PTGFR: variants seen among roughly 807,000 people sequenced by gnomAD.
The protein encoded by PTGFR is prostaglandin F2-alpha receptor.
In PTGFR, 15 loss-of-function variants were observed where a neutral mutation model predicts 26.2. The ratio of observed to expected loss-of-function variants is 0.57; its 90% confidence interval spans 0.38 to 0.88. The LOEUF is 0.88. Ranked by LOEUF, PTGFR falls within the 40% of genes least tolerant of loss-of-function variation. The pLI, the probability that PTGFR is intolerant of heterozygous loss-of-function variation, is 0.00. For synonymous variants in PTGFR, 165 were observed against 151.1 expected (o/e 1.09, Z -0.68); for missense variants, 369 against 427.2 (o/e 0.86, Z 1.20).
At chr1:78,523,189 T>C (rs1210912852) in intron 2 of PTGFR, among the ~76,000 whole-genome samples, 1 of 152,052 alleles carries the variant, frequency 6.6e-6, no homozygotes, top group Non-Finnish European at 1.5e-5. Flanking sequence ...AACTTGTAGG[T>C]TGTTGTACAC....
chr1:78,505,798 T>A (rs1433292402), intron 2 of PTGFR, among the ~76,000 whole-genome samples: 1 of 152,220 alleles, frequency 6.6e-6, no homozygotes, highest in African/African-American at 2.4e-5. Context: ...TCACCTTTTG[T>A]GTCTGGCTTC....
At chr1:78,532,364 T>TTTTATA (rs533163867) in intron 2 of PTGFR, 3 of 85,222 alleles carry the variant, frequency 3.5e-5, no homozygotes, top group East Asian at 3.4e-4. Flanking sequence ...GTAAATTCAT[T>TTTTATA]TATATATATA....
At chr1:78,514,074 C>A (rs1436338630) in intron 2 of PTGFR, among the ~76,000 whole-genome samples, 1 of 152,198 alleles carries the variant, frequency 6.6e-6, no homozygotes. Context: ...TTGGGTATTG[C>A]AGAGGGAAAA....
chr1:78,492,542 G>C, intron 1 of PTGFR, 130 bp from the exon 2 acceptor site: 1 of 534,408 alleles, frequency 1.9e-6, no homozygotes, highest in African/African-American at 1.9e-5. Context: ...GCTGCTTTCA[G>C]TATGATGCAA....
At position 78,532,570 on chromosome 1, in the gene PTGFR, C is replaced by T. The variant is rs575460351; in HGVS notation, c.799-3836C>T. Among the ~76,000 whole-genome samples the T allele has an allele frequency of 2.0e-5, 3 of 147,966 alleles. No homozygotes were observed. In the Admixed American group the frequency reaches 2.0e-4, roughly 10 times the overall value. ...TGTATATATACATACACACATATAC[C>T]TTTTTGTTTTTTGAGACAGAGTCTC... On this transcript the variant is annotated intron_variant, in intron 2 of 2. Coordinates refer to ENST00000370757, the MANE Select transcript of PTGFR (RefSeq NM_000959.4).
chr1:78,519,848 A>G (rs1650181052), intron 2 of PTGFR, among the ~76,000 whole-genome samples: 1 of 152,158 alleles, frequency 6.6e-6, no homozygotes, highest in Admixed American at 6.6e-5. Context: ...TTAGTGGAGT[A>G]GGTTCTTACC....
At chr1:78,504,388 A>C (rs1173594983) in intron 2 of PTGFR, among the ~76,000 whole-genome samples, 2 of 152,126 alleles carry the variant, frequency 1.3e-5, no homozygotes, top group East Asian at 1.9e-4. Flanking sequence ...GTTGTTGGGC[A>C]TTATCCCTTT....
chr1:78,510,774 C>T (rs1054502610), intron 2 of PTGFR, among the ~76,000 whole-genome samples: 16 of 152,114 alleles, frequency 1.1e-4, no homozygotes, highest in Non-Finnish European at 2.9e-5. Flanking sequence ...TCATCTGAGA[C>T]TCAAGTCAGA....
chr1:78,518,784 A>G (rs929955620), intron 2 of PTGFR, among the ~76,000 whole-genome samples: 1 of 152,128 alleles, frequency 6.6e-6, no homozygotes, highest in African/African-American at 2.4e-5. Context: ...AATGTGTAAA[A>G]CATGAGCAGA....
At chr1:78,518,551 T>C (rs1650146207) in intron 2 of PTGFR, among the ~76,000 whole-genome samples, 1 of 147,186 alleles carries the variant, frequency 6.8e-6, no homozygotes, top group East Asian at 2.0e-4. Flanking sequence ...GCAGCATTTG[T>C]CATTACAGTA....
In PTGFR at chr1:78,536,570, A is replaced by G. The variant is rs760610750; in HGVS notation, c.963A>G (p.Gln321=). Residue 321 remains glutamine (Q), a synonymous_variant, in exon 3 of 3, where the codon CAA becomes CAG. Coordinates refer to ENST00000370757, the MANE Select transcript of PTGFR (RefSeq NM_000959.4). ...VLKNLYKLAS[Q]CCGVHVISLH... ...AGAATCTCTATAAGCTTGCCAGTCA[A>G]TGCTGTGGAGTGCATGTCATCAGCT... is the stretch of plus-strand genomic sequence containing the variant. 3 of 1,613,384 alleles carry G rather than the reference A, an allele frequency of 1.9e-6. No individual in the cohort carries two copies. Among genetic ancestry groups the G allele is most frequent in the African/African-American group, 1.3e-5 (1 of 74,890 alleles).
chr1:78,533,876 C>G (rs576348248), intron 2 of PTGFR, among the ~76,000 whole-genome samples: 1 of 152,110 alleles, frequency 6.6e-6, no homozygotes, highest in Non-Finnish European at 1.5e-5. Context: ...TTACGTGGCC[C>G]AAATGAATGG....
chr1:78,500,073 G>A (rs566095451), intron 2 of PTGFR, among the ~76,000 whole-genome samples: 2 of 150,918 alleles, frequency 1.3e-5, no homozygotes, highest in Non-Finnish European at 3.0e-5. Flanking sequence ...TTTTTTTTTG[G>A]TATTTTATCT....
Position 78,493,382 on chromosome 1 carries a change from T to C in PTGFR, c.639T>C (p.Leu213=). 1 of 1,613,722 alleles carries C rather than the reference T, an allele frequency of 6.2e-7. No homozygotes were observed. The highest frequency in any genetic ancestry group is 8.5e-7 in the Non-Finnish European group (1 of 1,179,910). The change falls in exon 2 of 3, where the codon CTT becomes CTC. Residue 213 remains leucine (L), a synonymous_variant. Coordinates refer to ENST00000370757, the MANE Select transcript of PTGFR (RefSeq NM_000959.4). ...TTTCTTTTCTGGGGCTCTTAGCCCTTGGTGTTTCATTGTTGTGCAATGCAA... is the reference window on the plus strand; with the variant it reads ...TTTCTTTTCTGGGGCTCTTAGCCCTCGGTGTTTCATTGTTGTGCAATGCAA... ...LLFSFLGLLA[L]GVSLLCNAIT...
chr1:78,536,660 A>T lies in PTGFR; in HGVS notation c.1053A>T (p.Pro351=), dbSNP rs2100407185. ...AGGTTGCTGCTATTTCTGAGTCACC[A>T]GTTGCAGAGAAATCAGCAAGCACCT... The part of the protein sequence containing the change: ...SLKVAAISES[P]VAEKSAST The change falls in exon 3 of 3, where the codon CCA becomes CCT. Residue 351 remains proline, a synonymous_variant. Coordinates refer to ENST00000370757, the MANE Select transcript of PTGFR (RefSeq NM_000959.4). 3 of 1,612,584 alleles carry T rather than the reference A, an allele frequency of 1.9e-6. No homozygotes were observed. The South Asian group carries it at 3.3e-5, about 18-fold the overall frequency.
chr1:78,536,346 TAA>T, intron 2 of PTGFR, 58 bp from the exon 3 acceptor site: 1 of 1,492,990 alleles, frequency 6.7e-7, no homozygotes, highest in Non-Finnish European at 9.0e-7. Flanking sequence ...GCTAATTTTT[TAA>T]AAATTATAGG....
intron 1 of PTGFR, among the ~76,000 whole-genome samples, chr1:78,492,201 T>G (rs1279502293): frequency 6.6e-6 from 1 of 152,212 alleles, no homozygotes; most frequent in East Asian, 1.9e-4. Context: ...TGGAGATAGT[T>G]ATGTCTGCCT....
At chr1:78,527,385 T>TA (rs1310848740) in intron 2 of PTGFR, among the ~76,000 whole-genome samples, 1 of 152,106 alleles carries the variant, frequency 6.6e-6, no homozygotes, top group Non-Finnish European at 1.5e-5. Flanking sequence ...CAAAAGGACT[T>TA]ACTGCAATTT....
chr1:78,493,119 G>T lies in PTGFR; in HGVS notation c.376G>T (p.Gly126Cys). The T allele has an allele frequency of 6.2e-7, 1 of 1,614,198 alleles. No individual in the cohort carries two copies. The highest frequency in any genetic ancestry group is 8.5e-7 in the Non-Finnish European group (1 of 1,180,028). The stretch of plus-strand genomic sequence containing the variant: ...TTCTGGTCTGTGCCCACTTCTTCTA[G>T]GCAGTGTGATGGCCATTGAGCGGTG... ...VFSGLCPLLL[G>C]SVMAIERCIG... The change falls in exon 2 of 3, where the codon GGC becomes TGC. Residue 126 changes from glycine (G) to cysteine (C), a missense_variant. Physicochemically the swap from Gly to Cys is radical, Grantham distance 159. Coordinates refer to ENST00000370757, the MANE Select transcript of PTGFR (RefSeq NM_000959.4).
Sources: gnomAD v4.1 joint callset for allele counts (sites outside exome capture counted in the v4.1 genomes callset) on GRCh38, gnomAD v4.1.1 for gene constraint, MANE v1.5 for transcripts, NCBI Gene and HGNC (gene_info 2026-07-23, HGNC 2026-07-21) for gene names.